Variants in KRT73 observed in about 807,000 individuals in gnomAD.
KRT73 encodes keratin 73.
In KRT73, 44 loss-of-function variants were observed where a neutral mutation model predicts 47.2. That is an observed-to-expected ratio of 0.93 (90% CI 0.73 to 1.20). The LOEUF is 1.20. Among genes scored for constraint, KRT73 ranks in the 50% most tolerant of loss-of-function variants. The pLI is 0.00. For missense variants in KRT73, 713 were observed against 704.5 expected (o/e 1.01, Z -0.14); for synonymous variants, 285 against 291.3 (o/e 0.98, Z 0.22).
intron 8 of KRT73, among the ~76,000 whole-genome samples, chr12:52,609,039 G>A (rs562558256): frequency 5.3e-5 from 8 of 152,208 alleles, no homozygotes; most frequent in Admixed American, 2.6e-4. Flanking sequence ...CTAGTGTGCA[G>A]TATCAGAATG....
the KRT73 span, among the ~76,000 whole-genome samples, chr12:52,624,737 G>T: frequency 1.3e-5 from 2 of 151,914 alleles, no homozygotes; most frequent in Non-Finnish European, 2.9e-5. Context: ...GGAGGTAATG[G>T]GAGTTAGGAC....
the KRT73 span, among the ~76,000 whole-genome samples, chr12:52,628,222 T>G: frequency 6.6e-6 from 1 of 152,096 alleles, no homozygotes; most frequent in African/African-American, 2.4e-5. Context: ...ATGGCCCTTA[T>G]GATGGATTTG....
upstream of KRT73, among the ~76,000 whole-genome samples, chr12:52,619,125 CT>C (rs1400037830): frequency 6.6e-6 from 1 of 152,264 alleles, no homozygotes; most frequent in Non-Finnish European, 1.5e-5. Flanking sequence ...CTGCTGTGCC[CT>C]CCCAGGCAGC....
the KRT73 span, among the ~76,000 whole-genome samples, chr12:52,624,323 C>T: frequency 6.6e-6 from 1 of 151,994 alleles, no homozygotes; most frequent in Non-Finnish European, 1.5e-5. Context: ...TTAAGGACTC[C>T]AATATTCCTT....
chr12:52,608,171 C>G lies in KRT73; in HGVS notation c.*25G>C. 1 of 1,591,636 alleles carries G rather than the reference C, an allele frequency of 6.3e-7. No individual in the cohort carries two copies. The highest frequency in any genetic ancestry group is 8.6e-7 in the Non-Finnish European group (1 of 1,167,386). On this transcript the variant is annotated 3_prime_UTR_variant, in exon 9 of 9. Coordinates refer to ENST00000305748, the MANE Select transcript of KRT73 (RefSeq NM_175068.3). ...CAGTCTGCCAGGGCAAGGCAGACTA[C>G]TGGGAAATGGGCTGTGTTGCACTTT... is the stretch of plus-strand genomic sequence containing the variant.
chr12:52,620,109 C>CTTTTTTTTTTTTTTT (rs10638831), upstream of KRT73, among the ~76,000 whole-genome samples: 2 of 94,446 alleles, frequency 2.1e-5, no homozygotes, highest in Non-Finnish European at 2.0e-5. Context: ...TCCTTTTTTT[C>CTTTTTTTTTTTTTTT]TTTTTTTTTT....
rs377281547 is a variant in KRT73, at chr12:52,608,386, C to G, written c.1433G>C (p.Gly478Ala). 178 of 1,613,040 alleles carry G rather than the reference C, an allele frequency of 1.1e-4. No individual in the cohort carries two copies. The highest frequency in any genetic ancestry group is 9.5e-4 in the Middle Eastern group (5 of 5,258). Residue 478 changes from glycine to alanine, a missense_variant, in exon 9 of 9, where the codon GGC becomes GCC. Transcript: ENST00000305748. ...TGAGFGFSNA[G>A]TYGYWPSSVS... is the part of the protein sequence containing the mutation. ...AGAGCTGGGCCAGTAGCCGTAGGTG[C>G]CAGCATTGCTGAATCCAAAGCCAGC...
chr12:52,615,199 G>T, intron 3 of KRT73, 80 bp downstream of exon 3: 1 of 1,257,094 alleles, frequency 8.0e-7, no homozygotes, highest in Non-Finnish European at 1.1e-6. Flanking sequence ...TCTGCGGGGG[G>T]CTCAGACCTC....
rs150273425 is a variant in KRT73, at chr12:52,611,302, G to T, written c.1012C>A (p.Arg338=). The T allele has an allele frequency of 1.2e-6, 2 of 1,614,112 alleles. No individual in the cohort carries two copies. The highest frequency in any genetic ancestry group is 1.7e-6 in the Non-Finnish European group (2 of 1,180,020). ...KFQELQLAAG[R]HGDDLKHTKN... ...GTGTGTTTCAGGTCATCCCCATGCC[G>T]GCCGGCTGCTAGCTGCAGCTCCTGG... The change falls in exon 6 of 9, where the codon CGG becomes AGG. Residue 338 remains arginine (R), a synonymous_variant. Transcript: ENST00000305748.
At chr12:52,611,784 T>C (rs549589209) in intron 5 of KRT73, among the ~76,000 whole-genome samples, 2 of 152,302 alleles carry the variant, frequency 1.3e-5, no homozygotes, top group East Asian at 3.9e-4. Flanking sequence ...AGTCTTTGCC[T>C]GAGCCTCTCC....
intron 5 of KRT73, chr12:52,612,632 T>G (rs1307676500): frequency 1.3e-5 from 2 of 152,230 alleles, no homozygotes; most frequent in Non-Finnish European, 2.9e-5. Flanking sequence ...GTACACTGGT[T>G]CTGACACCAA....
At chr12:52,618,612 A>T (rs1940860736), upstream of KRT73, 2 of 1,363,410 alleles carry the variant, frequency 1.5e-6, no homozygotes, top group East Asian at 4.8e-5. Context: ...CCCACTTTAT[A>T]GGACTCAAGA....
At chr12:52,611,794 C>T (rs1592242756) in intron 5 of KRT73, among the ~76,000 whole-genome samples, 1 of 152,276 alleles carries the variant, frequency 6.6e-6, no homozygotes, top group East Asian at 1.9e-4. Flanking sequence ...TGAGCCTCTC[C>T]TCTGACCTGA....
chr12:52,616,477 T>A, intron 1 of KRT73, 97 bp from the exon 2 acceptor site: 1 of 1,464,480 alleles, frequency 6.8e-7, no homozygotes, highest in Non-Finnish European at 9.3e-7. Flanking sequence ...TACATTAGCT[T>A]TAAAAATGAG....
intron 7 of KRT73, among the ~76,000 whole-genome samples, chr12:52,609,634 G>T (rs1940653166): frequency 6.6e-6 from 1 of 152,184 alleles, no homozygotes; most frequent in African/African-American, 2.4e-5. Context: ...TGCTACTAAT[G>T]AACGAACTGT....
chr12:52,624,317 G>A, the KRT73 span, among the ~76,000 whole-genome samples: 2 of 152,002 alleles, frequency 1.3e-5, no homozygotes, highest in Non-Finnish European at 2.9e-5. Context: ...TTATAGTTAA[G>A]GACTCCAATA....
chr12:52,619,422 G>A (rs114832386), upstream of KRT73, among the ~76,000 whole-genome samples: 1 of 152,200 alleles, frequency 6.6e-6, no homozygotes, highest in Non-Finnish European at 1.5e-5. Flanking sequence ...CATTCCTTTA[G>A]CAAACATTTA....
the KRT73 span, among the ~76,000 whole-genome samples, chr12:52,630,512 A>C: frequency 6.6e-6 from 1 of 152,212 alleles, no homozygotes; most frequent in Non-Finnish European, 1.5e-5. Context: ...GTAGGCAGTG[A>C]GTGGATCACG....
upstream of KRT73, among the ~76,000 whole-genome samples, chr12:52,621,919 G>A (rs1940913558): frequency 6.6e-6 from 1 of 152,156 alleles, no homozygotes; most frequent in South Asian, 2.1e-4. Context: ...TGGTACCAGT[G>A]GAGACCATGT....
Sources: allele counts gnomAD v4.1 joint callset (sites outside exome capture counted in the v4.1 genomes callset), GRCh38; gene constraint gnomAD v4.1.1; transcripts MANE v1.5; gene names NCBI Gene and HGNC (gene_info 2026-07-23, HGNC 2026-07-21).